QSER1: variants seen among roughly 807,000 people sequenced by gnomAD.
The protein encoded by QSER1 is glutamine and serine rich 1.
QSER1 carries 49 observed loss-of-function variants against 158.5 expected under a neutral mutation model. The ratio of observed to expected loss-of-function variants is 0.31; its 90% CI spans 0.25 to 0.39. The LOEUF is 0.39. QSER1 is among the 10% of genes least tolerant of loss of function. The probability of loss-of-function intolerance (pLI) is 1.00; values close to 1 mark genes in which losing one functional copy is unlikely to be tolerated. For synonymous variants in QSER1, 650 were observed against 715.5 expected (o/e 0.91, Z 1.46); for missense variants, 1,754 against 2,010.3 (o/e 0.87, Z 2.44).
rs1487389681 is a variant in QSER1, at chr11:32,893,299, C to A, written c.174C>A (p.Ser58Arg). Residue 58 changes from serine (S) to arginine (R), a missense_variant, in exon 1 of 13, where the codon AGC becomes AGA. Physicochemically the swap from Ser to Arg is moderately radical, Grantham distance 110. Around this residue, in one of 2 missense-constraint regions of QSER1, gnomAD observed 1,707 missense variants for 1,919.6 expected, o/e 0.89. Transcript: ENST00000650167. This position sits in a 1 kb window ranked among gnomAD's most constrained non-coding sequence, Gnocchi z 4.7. ...CCAGCAGCAGCTGCAGCAGTGGCAGCTGCAGTAGCGGCAGCAGCCCCAGCC... is the reference window on the plus strand; with the variant it reads ...CCAGCAGCAGCTGCAGCAGTGGCAGATGCAGTAGCGGCAGCAGCCCCAGCC... ...AAASSSCSSG[S>R]CSSGSSPSLK... 6.5e-6 allele frequency: 1 copy of A among 153,496 alleles called. No individual in the cohort carries two copies. The highest frequency in any genetic ancestry group is 1.9e-4 in the East Asian group (1 of 5,206). 9.5% of individuals were successfully genotyped at this position (153,496 alleles called of 1,614,324 possible).
chr11:32,933,753 C>T lies in QSER1; in HGVS notation c.2495C>T (p.Ser832Phe). 6.2e-7 allele frequency: 1 copy of T among 1,613,994 alleles called. No homozygotes were observed. Among genetic ancestry groups the T allele is most frequent in the Non-Finnish European group, 8.5e-7 (1 of 1,179,964 alleles). ...CACGATCAAATAATTAATGCTTCAT[C>T]TCAGATTCAAATTCCAAATCATGCT... is the stretch of plus-strand genomic sequence containing the variant. Reference protein sequence around the residue: ...EQHDQIINASSQIQIPNHALG... With the variant: ...EQHDQIINASFQIQIPNHALG... Residue 832 changes from serine (S) to phenylalanine (F), a missense_variant, in exon 4 of 13, where the codon TCT (serine) becomes TTT (phenylalanine). This residue lies in a region of QSER1 where 1,707 missense variants were observed against 1,919.6 expected (regional missense o/e 0.89). Coordinates refer to ENST00000650167, the MANE Select transcript of QSER1 (RefSeq NM_001076786.3).
Position 32,977,614 on chromosome 11 carries a change from T to C in QSER1, c.*1140T>C, listed in dbSNP as rs186991329. On this transcript the variant is annotated 3_prime_UTR_variant, in exon 13 of 13. Transcript: ENST00000650167. ...ACTGGAAGTTGTAGAGCTCTCCTTTTGGTGCCTTTCCAGCCTTTATACACA... is the reference window on the plus strand; with the variant it reads ...ACTGGAAGTTGTAGAGCTCTCCTTTCGGTGCCTTTCCAGCCTTTATACACA... 3.3e-5 allele frequency: 5 copies of C among 152,780 alleles called. No individual in the cohort carries two copies. Among genetic ancestry groups the C allele is most frequent in the East Asian group, 3.8e-4 (2 of 5,196 alleles). The allele number at this position is 152,780 out of a possible 1,614,324, so 9.5% of individuals were successfully genotyped here.
Position 32,893,939 on chromosome 11 carries a change from C to G in QSER1, c.209+605C>G, listed in dbSNP as rs1213900496. Among the ~76,000 whole-genome samples, 1 of 152,202 alleles carries G rather than the reference C, an allele frequency of 6.6e-6. No homozygotes were observed. The highest frequency in any genetic ancestry group is 1.9e-4 in the East Asian group (1 of 5,196). ...GGGTGACATATGTTTGCGCTGGTGG[C>G]CAAGATTTAGGCGATTTTTCTTCCA... On this transcript the variant is annotated intron_variant, in intron 1 of 12. Coordinates refer to ENST00000650167, the MANE Select transcript of QSER1 (RefSeq NM_001076786.3). This position sits in a 1 kb window ranked among gnomAD's most constrained non-coding sequence, Gnocchi z 4.7.
At chr11:32,907,655 T>C (rs545852792) in intron 1 of QSER1, among the ~76,000 whole-genome samples, 1 of 152,366 alleles carries the variant, frequency 6.6e-6, no homozygotes, top group African/African-American at 2.4e-5. Flanking sequence ...TCATTTTTAT[T>C]CATTCCTTTG....
intron 1 of QSER1, among the ~76,000 whole-genome samples, chr11:32,896,221 T>C (rs1851552538): frequency 6.6e-6 from 1 of 152,236 alleles, no homozygotes; most frequent in African/African-American, 2.4e-5. Flanking sequence ...CATTCTGTAC[T>C]TGATACTTAT....
At chr11:32,948,410 C>G (rs1387031043) in intron 4 of QSER1, among the ~76,000 whole-genome samples, 1 of 152,168 alleles carries the variant, frequency 6.6e-6, no homozygotes, top group Non-Finnish European at 1.5e-5. Context: ...ATGTATGCAT[C>G]TCTAAAGACT....
intron 4 of QSER1, among the ~76,000 whole-genome samples, chr11:32,949,284 T>C (rs1357986184): frequency 2.0e-5 from 3 of 152,180 alleles, no homozygotes; most frequent in Admixed American, 6.5e-5. Flanking sequence ...CTATGTGACT[T>C]GTTTTGACAT....
chr11:32,960,386 G>T (rs572736659), intron 8 of QSER1, among the ~76,000 whole-genome samples: 12 of 151,986 alleles, frequency 7.9e-5, no homozygotes, highest in African/African-American at 2.4e-4. Context: ...GTGAAACCCT[G>T]TCTCTACTAA....
rs780434945 is a variant in QSER1, at chr11:32,933,389, A to G, written c.2131A>G (p.Thr711Ala). ...GCCACAAGCATCTCTTGAGTCATCA[A>G]CCCAAAGGCTATCTGATGGAGAAAT... ...LQPQASLESS[T>A]QRLSDGEINA... The change falls in exon 4 of 13, where the codon ACC becomes GCC. Residue 711 changes from threonine (T) to alanine (A), a missense_variant. By Grantham distance (58) the Thr-to-Ala change is moderately conservative. Around this residue, in one of 2 missense-constraint regions of QSER1, gnomAD observed 1,707 missense variants for 1,919.6 expected, o/e 0.89. Coordinates refer to ENST00000650167, the MANE Select transcript of QSER1 (RefSeq NM_001076786.3). 5 of 1,613,886 alleles carry G rather than the reference A, an allele frequency of 3.1e-6. No individual in the cohort carries two copies. The highest frequency in any genetic ancestry group is 1.7e-5 in the Admixed American group (1 of 59,980).
intron 1 of QSER1, among the ~76,000 whole-genome samples, chr11:32,904,010 C>G (rs996688676): frequency 6.6e-6 from 1 of 152,036 alleles, no homozygotes; most frequent in African/African-American, 2.4e-5. Flanking sequence ...AATCTTATTT[C>G]TTTGTTTAAT....
chr11:32,927,887 T>C (rs566124679), intron 2 of QSER1, 75 bp from the exon 3 acceptor site: 2 of 440,558 alleles, frequency 4.5e-6, no homozygotes, highest in Admixed American at 7.9e-5. Flanking sequence ...AATTTTAAAA[T>C]AGAGTCAGGA....
chr11:32,921,850 C>G (rs1308192756), intron 1 of QSER1, among the ~76,000 whole-genome samples: 1 of 152,124 alleles, frequency 6.6e-6, no homozygotes, highest in Non-Finnish European at 1.5e-5. Context: ...ATTGAAGACA[C>G]TATAAACACA....
Position 32,932,730 on chromosome 11 carries a change from G to C in QSER1, c.1472G>C (p.Arg491Thr). Residue 491 changes from arginine (R) to threonine (T), a missense_variant, in exon 4 of 13, where the codon AGG becomes ACG. Around this residue, in one of 2 missense-constraint regions of QSER1, gnomAD observed 1,707 missense variants for 1,919.6 expected, o/e 0.89. Transcript: ENST00000650167. ...VPSIVHSQVY[R>T]SSKVEKLPPL... ...TCTATTGTTCATTCACAGGTTTATA[G>C]GTCCAGCAAGGTTGAGAAATTGCCA... The C allele has an allele frequency of 6.2e-7, 1 of 1,614,088 alleles. No homozygotes were observed.
chr11:32,959,560 GT>G (rs1298122425), intron 8 of QSER1, among the ~76,000 whole-genome samples: 1 of 152,188 alleles, frequency 6.6e-6, no homozygotes, highest in Non-Finnish European at 1.5e-5. Context: ...TGAGGGGACA[GT>G]TTTGAGATAT....
In QSER1 at chr11:32,933,756, A is replaced by C; in HGVS notation, c.2498A>C (p.Gln833Pro). The C allele has an allele frequency of 6.2e-7, 1 of 1,613,804 alleles. No individual in the cohort carries two copies. Among genetic ancestry groups the C allele is most frequent in the Non-Finnish European group, 8.5e-7 (1 of 1,179,776 alleles). The change falls in exon 4 of 13, where the codon CAG becomes CCG. Residue 833 changes from glutamine (Q) to proline (P), a missense_variant. Transcript: ENST00000650167. ...GATCAAATAATTAATGCTTCATCTC[A>C]GATTCAAATTCCAAATCATGCTTTA... is the stretch of plus-strand genomic sequence containing the variant. ...QHDQIINASS[Q>P]IQIPNHALGH...
intron 4 of QSER1, 77 bp downstream of exon 4, chr11:32,935,512 T>TAAAGCAGG: frequency 8.9e-7 from 1 of 1,117,366 alleles, no homozygotes; most frequent in East Asian, 2.4e-5. Flanking sequence ...TTAAGCTTTT[T>TAAAGCAGG]TCACTTAAAG....
At chr11:32,957,822 T>G in intron 7 of QSER1, 47 bp from the exon 8 acceptor site, 1 of 1,436,760 alleles carries the variant, frequency 7.0e-7, no homozygotes. Context: ...TTATTTTAGT[T>G]TAACAAGATT....
At position 32,934,328 on chromosome 11, in the gene QSER1, G is replaced by A; in HGVS notation, c.3070G>A (p.Asp1024Asn). 1 of 1,613,976 alleles carries A rather than the reference G, an allele frequency of 6.2e-7. No homozygotes were observed. The highest frequency in any genetic ancestry group is 8.5e-7 in the Non-Finnish European group (1 of 1,179,982). Residue 1024 changes from aspartate to asparagine, a missense_variant, in exon 4 of 13, where the codon GAT becomes AAT. Transcript: ENST00000650167. ...TAAATCTCATTTTCAGCAGTCATTA[G>A]ATGTCAGGCATGTGACTTCAGATTT... is the stretch of plus-strand genomic sequence containing the variant. Reference protein sequence around the residue: ...DSKSHFQQSLDVRHVTSDFNS... With the variant: ...DSKSHFQQSLNVRHVTSDFNS...
Position 32,893,600 on chromosome 11 carries a change from C to A in QSER1, c.209+266C>A, listed in dbSNP as rs978691661. ...CGTGGGGCTCCGTCACCTCTTGGGT[C>A]CTGGGCTCTCACATGGTGAAGTTTG... On this transcript the variant is annotated intron_variant, in intron 1 of 12. Transcript: ENST00000650167. This position sits in a 1 kb window ranked among gnomAD's most constrained non-coding sequence, Gnocchi z 4.7. 6.6e-6 allele frequency among the ~76,000 whole-genome samples: 1 copy of A among 152,074 alleles called. No individual in the cohort carries two copies. Among genetic ancestry groups the A allele is most frequent in the African/African-American group, 2.4e-5 (1 of 41,388 alleles).
Sources: gnomAD v4.1 joint callset for allele counts (sites outside exome capture counted in the v4.1 genomes callset) on GRCh38, gnomAD v4.1.1 for gene constraint, gnomAD v4.1.1 regional missense constraint, Gnocchi (gnomAD v3.1) non-coding constraint, MANE v1.5 for transcripts, NCBI Gene and HGNC (gene_info 2026-07-23, HGNC 2026-07-21) for gene names.